HSPA4: variants seen among roughly 807,000 people sequenced by gnomAD.
HSPA4 encodes the protein heat shock 70 kDa protein 4.
HSPA4 carries 25 observed loss-of-function variants against 106.2 expected under a neutral mutation model. The ratio of observed to expected loss-of-function variants is 0.24; its 90% confidence interval spans 0.17 to 0.33. The LOEUF is 0.33. Ranked by LOEUF, HSPA4 falls within the 10% of genes least tolerant of loss-of-function variation. HSPA4 has a pLI of 1.00. For synonymous variants in HSPA4, 332 were observed against 333.6 expected (o/e 1.00, Z 0.05); for missense variants, 841 against 996.0 (o/e 0.84, Z 2.10).
chr5:133,064,358 T>G (rs548192506), intron 1 of HSPA4, among the ~76,000 whole-genome samples: 1 of 152,234 alleles, frequency 6.6e-6, no homozygotes, highest in South Asian at 2.1e-4. Context: ...ATACAAAAAT[T>G]AGCTGGGCGT....
intron 11 of HSPA4, among the ~76,000 whole-genome samples, chr5:133,090,254 G>A (rs565061439): frequency 2.0e-5 from 3 of 151,326 alleles, no homozygotes; most frequent in South Asian, 2.1e-4. Context: ...GTGAAACCCC[G>A]TCTCTACTAA....
At chr5:133,071,207 C>T (rs892969876) in intron 4 of HSPA4, among the ~76,000 whole-genome samples, 2 of 149,838 alleles carry the variant, frequency 1.3e-5, no homozygotes, top group African/African-American at 4.9e-5. Flanking sequence ...GTGGTTTAAT[C>T]CCAGCACTGT....
intron 7 of HSPA4, among the ~76,000 whole-genome samples, chr5:133,079,297 G>GT (rs199678235): frequency 0.016 from 2,377 of 152,210 alleles, 30 homozygotes; most frequent in Middle Eastern, 0.037. Context: ...ATTATTTCCT[G>GT]TTTCCCCTTA....
At chr5:133,052,466 C>G (rs1343112031) in intron 1 of HSPA4, 109 bp downstream of exon 1, 1 of 740,834 alleles carries the variant, frequency 1.3e-6, no homozygotes, top group Non-Finnish European at 2.1e-6. Flanking sequence ...CGCCTCCGTT[C>G]CGAGCCGAGG....
At chr5:133,102,475 G>T (rs575477060) in intron 17 of HSPA4, among the ~76,000 whole-genome samples, 59 of 152,194 alleles carry the variant, frequency 3.9e-4, no homozygotes, top group African/African-American at 1.3e-3. Context: ...AACACCTGAG[G>T]CCAGTAATTA....
chr5:133,073,996 C>G lies in HSPA4; in HGVS notation c.533C>G (p.Ala178Gly). Reference protein sequence around the residue: ...LRLMNETTAVALAYGIYKQDL... With the variant: ...LRLMNETTAVGLAYGIYKQDL... ...TTTTGTGTTTTTTCTTCTGTAGTTG[C>G]TCTTGCATATGGAATCTATAAGCAG... Residue 178 changes from alanine (A) to glycine (G), a missense_variant, in exon 6 of 19, where the codon GCT (alanine) becomes GGT (glycine). By Grantham distance (60) the Ala-to-Gly change is moderately conservative. Transcript: ENST00000304858. 1.3e-6 allele frequency: 2 copies of G among 1,558,792 alleles called. No individual in the cohort carries two copies. Among genetic ancestry groups the G allele is most frequent in the Non-Finnish European group, 1.7e-6 (2 of 1,159,574 alleles).
intron 11 of HSPA4, 21 bp downstream of exon 11, chr5:133,089,716 T>C: frequency 7.2e-7 from 1 of 1,381,978 alleles, no homozygotes; most frequent in Non-Finnish European, 9.4e-7. Flanking sequence ...AGTTGGAAAT[T>C]AAAAAAGAAA....
chr5:133,089,995 G>T (rs1765625137), intron 11 of HSPA4, among the ~76,000 whole-genome samples: 6 of 152,162 alleles, frequency 3.9e-5, no homozygotes, highest in Admixed American at 3.9e-4. Context: ...CAGCCAAATG[G>T]CTGTTATTTA....
Position 133,054,569 on chromosome 5 carries a change from T to C in HSPA4, c.107+2212T>C, listed in dbSNP as rs76441913. Among the ~76,000 whole-genome samples, 934 of 152,332 alleles carry C rather than the reference T, an allele frequency of 6.1e-3. 13 individuals are homozygous for C. Among genetic ancestry groups the C allele is most frequent in the African/African-American group, 0.021 (887 of 41,572 alleles). Reference sequence around the variant, plus strand: ...CCAGATGAAGTGATCGTTTTTAGTGTAGTCACAAAACAGTGCAACCATTAC... The same window carrying C: ...CCAGATGAAGTGATCGTTTTTAGTGCAGTCACAAAACAGTGCAACCATTAC... On this transcript the variant is annotated intron_variant, in intron 1 of 18. Transcript: ENST00000304858.
intron 3 of HSPA4, 122 bp from the exon 4 acceptor site, chr5:133,070,252 T>TTA: frequency 1.1e-6 from 1 of 944,442 alleles, no homozygotes; most frequent in Non-Finnish European, 1.6e-6. Flanking sequence ...TTTTTTTTTT[T>TTA]CAATCCCCTC....
In HSPA4 at chr5:133,101,770, A is replaced by G. The variant is rs755958421; in HGVS notation, c.2049A>G (p.Gln683=). The part of the protein sequence containing the change: ...DKLAELKNLG[Q]PIKIRFQESE... ...ATTCTTCTGTTAAGAATCTAGGTCA[A>G]CCTATTAAGATACGTTTCCAGGAAT... The change falls in exon 17 of 19, where the codon CAA becomes CAG. Residue 683 remains glutamine, a synonymous_variant. Transcript: ENST00000304858. 8.7e-6 allele frequency: 14 copies of G among 1,611,086 alleles called. No homozygotes were observed. Among genetic ancestry groups the G allele is most frequent in the Admixed American group, 5.0e-5 (3 of 59,476 alleles).
rs142145916 is a variant in HSPA4 at position 133,076,741 on chromosome 5, A to C, written c.751A>C (p.Lys251Gln). The C allele has an allele frequency of 1.2e-5, 20 of 1,614,000 alleles. No individual in the cohort carries two copies. In the African/African-American group the frequency reaches 2.7e-4, roughly 22 times the overall value. The change falls in exon 7 of 19, where the codon AAA becomes CAA. Residue 251 changes from lysine (K) to glutamine (Q), a missense_variant. This residue lies in a region of HSPA4 where 347 missense variants were observed against 408.7 expected (regional missense o/e 0.85). Coordinates refer to ENST00000304858, the MANE Select transcript of HSPA4 (RefSeq NM_002154.4). ...VNHFCEEFGK[K>Q]YKLDIKSKIR... The stretch of plus-strand genomic sequence containing the variant: ...TCACTTCTGTGAAGAATTTGGGAAG[A>C]AATACAAGCTAGACATTAAGTCCAA...
chr5:133,085,585 G>A (rs1350385350), intron 7 of HSPA4, among the ~76,000 whole-genome samples: 1 of 151,922 alleles, frequency 6.6e-6, no homozygotes, highest in Non-Finnish European at 1.5e-5. Flanking sequence ...GCTTGAACCC[G>A]GAAGGTGGAG....
intron 13 of HSPA4, among the ~76,000 whole-genome samples, chr5:133,093,457 T>G (rs1192534435): frequency 6.6e-6 from 1 of 152,154 alleles, no homozygotes; most frequent in Non-Finnish European, 1.5e-5. Context: ...GAAAAAATTT[T>G]CAAAATCATC....
intron 8 of HSPA4, among the ~76,000 whole-genome samples, chr5:133,087,579 C>G (rs981917423): frequency 2.0e-5 from 3 of 152,116 alleles, no homozygotes; most frequent in African/African-American, 7.2e-5. Context: ...TTGATACACA[C>G]CTTCTTTCTG....
At chr5:133,088,619 A>G in intron 9 of HSPA4, 64 bp downstream of exon 9, 2 of 1,384,330 alleles carry the variant, frequency 1.4e-6, no homozygotes, top group South Asian at 1.2e-5. Context: ...GCAGTGGTTT[A>G]TGTATCTAAT....
At chr5:133,090,345 G>A (rs1225287342) in intron 11 of HSPA4, among the ~76,000 whole-genome samples, 1 of 150,260 alleles carries the variant, frequency 6.7e-6, no homozygotes, top group Non-Finnish European at 1.5e-5. Context: ...GCAGGAGACT[G>A]GCGTGAACTC....
intron 7 of HSPA4, among the ~76,000 whole-genome samples, chr5:133,086,325 A>G (rs772347062): frequency 2.0e-5 from 3 of 152,168 alleles, no homozygotes; most frequent in African/African-American, 7.2e-5. Context: ...GGATATACCT[A>G]TTCTGAATAT....
rs537332905 is a variant in HSPA4 at position 133,082,058 on chromosome 5, A to G, written c.909-4724A>G. Among the ~76,000 whole-genome samples, 6 of 151,514 alleles carry G rather than the reference A, an allele frequency of 4.0e-5. No homozygotes were observed. The South Asian group carries it at 1.2e-3, about 31-fold the overall frequency. On this transcript the variant is annotated intron_variant, in intron 7 of 18. Coordinates refer to ENST00000304858, the MANE Select transcript of HSPA4 (RefSeq NM_002154.4). ...AACTGATGAAGTGGGTAAATAAAAC[A>G]TGCTATGTTCATACAATGGGATATT... is the stretch of plus-strand genomic sequence containing the variant.
Sources: allele counts gnomAD v4.1 joint callset (sites outside exome capture counted in the v4.1 genomes callset), GRCh38; gene constraint gnomAD v4.1.1; regional missense constraint gnomAD v4.1.1; transcripts MANE v1.5; gene names NCBI Gene and HGNC (gene_info 2026-07-23, HGNC 2026-07-21).